Variants in DMGDH observed in about 807,000 individuals in gnomAD.
The protein encoded by DMGDH is dimethylglycine dehydrogenase, mitochondrial.
A neutral mutation model predicts 95.2 loss-of-function variants in DMGDH; 76 were observed. That is an observed-to-expected ratio of 0.80 (90% CI 0.66 to 0.97). DMGDH has a LOEUF of 0.97. Among genes scored for constraint, DMGDH ranks in the 50% least tolerant of loss-of-function variants. The pLI is 0.00. For missense variants in DMGDH, 987 were observed against 1,055.0 expected (o/e 0.94, Z 0.89); for synonymous variants, 345 against 377.6 (o/e 0.91, Z 1.00).
In DMGDH at chr5:79,069,548, G is replaced by T. The variant is rs992248968; in HGVS notation, c.73C>A (p.Arg25Ser). The T allele has an allele frequency of 3.0e-6, 4 of 1,316,092 alleles. No homozygotes were observed. The highest frequency in any genetic ancestry group is 3.9e-6 in the Non-Finnish European group (4 of 1,035,396). 81.5% of individuals were successfully genotyped at this position (1,316,092 alleles called of 1,614,324 possible). The change falls in exon 1 of 16, where the codon CGC becomes AGC. Residue 25 changes from arginine (R) to serine (S), a missense_variant. Transcript: ENST00000255189. ...TCCCGGCCGCAGACAGAGCGCGGGC[G>T]CCCGGGGGAGCCCTGCAGCGGGCAG... Reference protein sequence around the residue: ...RSCPLQGSPGRPRSVCGREGE... With the variant: ...RSCPLQGSPGSPRSVCGREGE...
intron 3 of DMGDH, 48 bp downstream of exon 3, chr5:79,055,762 T>C (rs1018864554): frequency 1.6e-6 from 2 of 1,261,296 alleles, no homozygotes. Context: ...ATCTTACATG[T>C]TTCTGAGAAG....
chr5:79,023,145 A>G (rs546423817), intron 14 of DMGDH, among the ~76,000 whole-genome samples: 2 of 152,376 alleles, frequency 1.3e-5, no homozygotes, highest in African/African-American at 4.8e-5. Flanking sequence ...GAATTTGGGA[A>G]CTGACACAGG....
In DMGDH at chr5:79,069,553, G is replaced by C. The variant is rs1393938959; in HGVS notation, c.68C>G (p.Pro23Arg). 3.8e-6 allele frequency: 5 copies of C among 1,326,260 alleles called. No homozygotes were observed. The highest frequency in any genetic ancestry group is 3.5e-5 in the Admixed American group (1 of 28,190). 82.2% of individuals were successfully genotyped at this position (1,326,260 alleles called of 1,614,324 possible). The change falls in exon 1 of 16, where the codon CCC (proline) becomes CGC (arginine). Residue 23 changes from proline to arginine, a missense_variant. Physicochemically the swap from Pro to Arg is moderately radical, Grantham distance 103. Coordinates refer to ENST00000255189, the MANE Select transcript of DMGDH (RefSeq NM_013391.3). ...LLRSCPLQGS[P>R]GRPRSVCGRE... The stretch of plus-strand genomic sequence containing the variant: ...GCCGCAGACAGAGCGCGGGCGCCCG[G>C]GGGAGCCCTGCAGCGGGCAGCTCCG...
At chr5:79,021,599 G>A in intron 14 of DMGDH, 1 of 1,308,980 alleles carries the variant, frequency 7.6e-7, no homozygotes, top group South Asian at 1.2e-5. Flanking sequence ...ACAAGAACAC[G>A]ATTCACCCTA....
intron 15 of DMGDH, among the ~76,000 whole-genome samples, chr5:79,003,651 T>C (rs918383108): frequency 1.3e-5 from 2 of 152,150 alleles, no homozygotes; most frequent in East Asian, 1.9e-4. Flanking sequence ...AATGTGGGCA[T>C]AGAATTAAAT....
chr5:79,063,549 G>T lies in DMGDH; in HGVS notation c.276+64C>A, dbSNP rs577653546. The T allele has an allele frequency of 4.4e-6, 7 of 1,600,872 alleles. No homozygotes were observed. In the South Asian group the frequency reaches 6.6e-5, roughly 15 times the overall value. On this transcript the variant is annotated intron_variant, in intron 2 of 15. Coordinates refer to ENST00000255189, the MANE Select transcript of DMGDH (RefSeq NM_013391.3). Reference sequence around the variant, plus strand: ...GCTCACAGTTGGGAGTTGTGAACGGGAAGGAAATGGACTTTACTCATGCAC... The same window carrying T: ...GCTCACAGTTGGGAGTTGTGAACGGTAAGGAAATGGACTTTACTCATGCAC...
At chr5:79,011,253 A>C (rs1753643556) in intron 14 of DMGDH, among the ~76,000 whole-genome samples, 1 of 152,350 alleles carries the variant, frequency 6.6e-6, no homozygotes, top group East Asian at 1.9e-4. Flanking sequence ...TAAAGCAAGC[A>C]GAAAACTTAG....
At chr5:79,021,269 C>CG in intron 14 of DMGDH, 1 of 1,050,108 alleles carries the variant, frequency 9.5e-7, no homozygotes. Flanking sequence ...CGGCTAAGAA[C>CG]GTATCCCTAC....
intron 7 of DMGDH, among the ~76,000 whole-genome samples, chr5:79,040,422 T>G (rs547525926): frequency 3.9e-4 from 59 of 152,340 alleles, no homozygotes; most frequent in Non-Finnish European, 7.1e-4. Context: ...AAGACTAAAG[T>G]TGGACACCTA....
intron 14 of DMGDH, among the ~76,000 whole-genome samples, chr5:79,019,722 T>C (rs1374008217): frequency 2.0e-5 from 3 of 152,056 alleles, no homozygotes; most frequent in Non-Finnish European, 4.4e-5. Flanking sequence ...TCGTCTCTAC[T>C]AAAAATACAA....
intron 1 of DMGDH, among the ~76,000 whole-genome samples, 186 bp downstream of exon 1, chr5:79,069,334 G>T (rs1355068641): frequency 6.6e-6 from 1 of 152,204 alleles, no homozygotes; most frequent in Admixed American, 6.5e-5. Flanking sequence ...ATTGGGGCAG[G>T]AGAGACTTTA....
At chr5:79,014,931 T>C (rs6881725) in intron 14 of DMGDH, among the ~76,000 whole-genome samples, 48,310 of 151,832 alleles carry the variant, frequency 0.32, 8,207 homozygotes, top group African/African-American at 0.44. Flanking sequence ...GAGGAGGTGG[T>C]CAGGAATATA....
intron 15 of DMGDH, among the ~76,000 whole-genome samples, chr5:79,003,707 C>T (rs534392235): frequency 1.2e-4 from 19 of 152,208 alleles, no homozygotes; most frequent in African/African-American, 2.2e-4. Context: ...CCCAGCACTT[C>T]GGGAGGCCAA....
chr5:79,047,735 G>A lies in DMGDH; in HGVS notation c.746-3183C>T, dbSNP rs535715135. ...AAACTTCCCCAGTTCTGCTAGCTCC[G>A]AATACAGTCATTATATTCTCTCTCC... On this transcript the variant is annotated intron_variant, in intron 5 of 15. Coordinates refer to ENST00000255189, the MANE Select transcript of DMGDH (RefSeq NM_013391.3). 9.9e-5 allele frequency among the ~76,000 whole-genome samples: 15 copies of A among 152,164 alleles called. No individual in the cohort carries two copies. In the East Asian group the frequency reaches 2.3e-3, roughly 24 times the overall value.
rs966484282 is a variant in DMGDH, at chr5:79,054,299, A to G, written c.425T>C (p.Val142Ala). 7 of 1,614,078 alleles carry G rather than the reference A, an allele frequency of 4.3e-6. No individual in the cohort carries two copies. The highest frequency in any genetic ancestry group is 1.6e-4 in the Middle Eastern group (1 of 6,062). Residue 142 changes from valine (V) to alanine (A), a missense_variant, in exon 4 of 16, where the codon GTA (valine) becomes GCA (alanine). Val to Ala is a moderately conservative substitution (Grantham distance 64, BLOSUM62 0). Transcript: ENST00000255189. ...PGSIRLATTP[V>A]RVDEFKYQMT... ...TTGATATTTAAATTCATCTACCCTT[A>G]CAGGGGTGGTAGCAAGTCTGATACT... is the stretch of plus-strand genomic sequence containing the variant.
chr5:79,039,350 C>T (rs1435554215), intron 7 of DMGDH, among the ~76,000 whole-genome samples: 5 of 152,222 alleles, frequency 3.3e-5, no homozygotes, highest in East Asian at 1.9e-4. Context: ...AAATGTGGCA[C>T]ATATACACCA....
chr5:79,013,830 G>A (rs931497517), intron 14 of DMGDH, among the ~76,000 whole-genome samples: 2 of 152,100 alleles, frequency 1.3e-5, no homozygotes, highest in Non-Finnish European at 2.9e-5. Context: ...GATCTCATGA[G>A]AACCCACTCA....
intron 14 of DMGDH, among the ~76,000 whole-genome samples, chr5:79,010,670 CAT>C (rs1191748303): frequency 1.3e-5 from 2 of 152,152 alleles, no homozygotes; most frequent in Admixed American, 6.5e-5. Context: ...TCTGCCTCCA[CAT>C]GTTATTCTTT....
intron 15 of DMGDH, among the ~76,000 whole-genome samples, chr5:78,999,575 A>G (rs890044413): frequency 6.6e-6 from 1 of 151,744 alleles, no homozygotes; most frequent in Non-Finnish European, 1.5e-5. Context: ...CCTCGTGATC[A>G]GCCTGCCTTG....
Sources: gnomAD v4.1 joint callset for allele counts (sites outside exome capture counted in the v4.1 genomes callset) on GRCh38, gnomAD v4.1.1 for gene constraint, MANE v1.5 for transcripts, NCBI Gene and HGNC (gene_info 2026-07-23, HGNC 2026-07-21) for gene names.